CPNE8: variants seen among roughly 807,000 people sequenced by gnomAD.
The protein encoded by CPNE8 is copine-8.
CPNE8 carries 45 observed loss-of-function variants against 81.5 expected under a neutral mutation model. The ratio of observed to expected loss-of-function variants is 0.55; its 90% CI spans 0.44 to 0.71. CPNE8 has a LOEUF of 0.71. CPNE8 is among the 30% of genes least tolerant of loss of function. CPNE8 has a pLI of 0.00. For missense variants in CPNE8, 594 were observed against 672.1 expected (o/e 0.88, Z 1.28); for synonymous variants, 252 against 226.3 (o/e 1.11, Z -1.02).
intron 6 of CPNE8, among the ~76,000 whole-genome samples, chr12:38,782,041 G>A (rs1456375616): frequency 1.3e-5 from 2 of 152,042 alleles, no homozygotes; most frequent in African/African-American, 4.8e-5. Flanking sequence ...TTCAAGTAAA[G>A]TTTGAAATTT....
At position 38,767,596 on chromosome 12, in the gene CPNE8, CATT is replaced by C. The variant is rs1341638993; in HGVS notation, c.575+36_575+38del. ...AAAATAATTATAATTCAAGTATCAT[CATT>C]ACCATATAGTTGAAATGCATAAAAG... On this transcript the variant is annotated intron_variant, in intron 8 of 19. Transcript: ENST00000331366. The C allele has an allele frequency of 3.5e-6, 4 of 1,157,398 alleles. No individual in the cohort carries two copies. The African/African-American group carries it at 6.5e-5, about 19-fold the overall frequency. 71.7% of individuals were successfully genotyped at this position (1,157,398 alleles called of 1,614,324 possible).
At chr12:38,842,483 A>G (rs963279653) in intron 4 of CPNE8, among the ~76,000 whole-genome samples, 1 of 151,756 alleles carries the variant, frequency 6.6e-6, no homozygotes, top group African/African-American at 2.4e-5. Flanking sequence ...TTTAAATACC[A>G]TTATCTCATA....
upstream of CPNE8, chr12:38,906,322 C>G (rs1322092047): frequency 2.2e-5 from 21 of 960,054 alleles, no homozygotes; most frequent in Admixed American, 6.2e-5. Context: ...ATATATGGGA[C>G]AAGTGGGGGC....
intron 7 of CPNE8, among the ~76,000 whole-genome samples, chr12:38,771,366 G>T (rs1191904343): frequency 6.6e-6 from 1 of 151,796 alleles, no homozygotes; most frequent in African/African-American, 2.4e-5. Context: ...GAGGGAGACT[G>T]AGGTGGGAGA....
chr12:38,790,805 A>G (rs532161047), intron 6 of CPNE8, among the ~76,000 whole-genome samples: 2 of 151,850 alleles, frequency 1.3e-5, no homozygotes, highest in Middle Eastern at 6.8e-3. Flanking sequence ...CATGAAGAAT[A>G]AATGACCTTT....
chr12:38,846,829 A>G (rs1425811275), intron 4 of CPNE8, among the ~76,000 whole-genome samples: 1 of 152,142 alleles, frequency 6.6e-6, no homozygotes, highest in Non-Finnish European at 1.5e-5. Flanking sequence ...AAGGAAACTC[A>G]CTGCAGGATT....
At chr12:38,794,152 A>G (rs1353017665) in intron 6 of CPNE8, among the ~76,000 whole-genome samples, 2 of 152,274 alleles carry the variant, frequency 1.3e-5, no homozygotes, top group East Asian at 3.9e-4. Context: ...GATTTCTTGG[A>G]TACGACACCA....
At chr12:38,832,947 G>C (rs118034520) in intron 5 of CPNE8, among the ~76,000 whole-genome samples, 1 of 151,758 alleles carries the variant, frequency 6.6e-6, no homozygotes, top group African/African-American at 2.4e-5. Flanking sequence ...TCCAACCTCC[G>C]AGAGATAATA....
intron 6 of CPNE8, among the ~76,000 whole-genome samples, chr12:38,803,406 C>T (rs1331651827): frequency 2.0e-5 from 3 of 149,568 alleles, no homozygotes; most frequent in Non-Finnish European, 4.5e-5. Flanking sequence ...AAGACAAAAA[C>T]CACATGATTA....
chr12:38,708,286 T>C (rs1940163493), intron 13 of CPNE8, among the ~76,000 whole-genome samples: 1 of 152,082 alleles, frequency 6.6e-6, no homozygotes, highest in Non-Finnish European at 1.5e-5. Flanking sequence ...CCAAACAACA[T>C]TTCAATCAGT....
In CPNE8 at chr12:38,883,587, A is replaced by G. The variant is rs11829664; in HGVS notation, c.99-9076T>C. Among the ~76,000 whole-genome samples, 1,486 of 152,318 alleles carry G rather than the reference A, an allele frequency of 9.8e-3. 27 individuals are homozygous for G. Among genetic ancestry groups the G allele is most frequent in the African/African-American group, 0.033 (1,370 of 41,552 alleles). On this transcript the variant is annotated intron_variant, in intron 1 of 19. Transcript: ENST00000331366. The stretch of plus-strand genomic sequence containing the variant: ...CTGGGTATCAACTGTTCATCATTCT[A>G]TCCAACTAGGCTGTTTAGTAGTGAT...
chr12:38,691,628 T>C (rs1939678239), intron 15 of CPNE8, among the ~76,000 whole-genome samples: 1 of 152,072 alleles, frequency 6.6e-6, no homozygotes, highest in Non-Finnish European at 1.5e-5. Flanking sequence ...CTATTTTTCA[T>C]AGATTTAAAG....
intron 6 of CPNE8, among the ~76,000 whole-genome samples, chr12:38,820,305 T>A (rs1441197670): frequency 6.6e-6 from 1 of 151,834 alleles, no homozygotes; most frequent in African/African-American, 2.4e-5. Flanking sequence ...CTCAGGAGGC[T>A]GAGGCAGGAG....
At chr12:38,812,870 G>T (rs535790919) in intron 6 of CPNE8, among the ~76,000 whole-genome samples, 1 of 152,244 alleles carries the variant, frequency 6.6e-6, no homozygotes, top group Middle Eastern at 3.4e-3. Context: ...CTTGATCTTG[G>T]ATTCTGCAGC....
At chr12:38,744,134 G>T (rs1394347010) in intron 10 of CPNE8, among the ~76,000 whole-genome samples, 1 of 152,146 alleles carries the variant, frequency 6.6e-6, no homozygotes, top group Non-Finnish European at 1.5e-5. Flanking sequence ...GAAATAGCCG[G>T]TTTTCACATA....
chr12:38,858,301 G>A (rs746616349), intron 3 of CPNE8, among the ~76,000 whole-genome samples: 6 of 152,186 alleles, frequency 3.9e-5, no homozygotes, highest in Non-Finnish European at 8.8e-5. Context: ...CCCCAAAATT[G>A]GGGCTTATCC....
intron 15 of CPNE8, 101 bp from the exon 16 acceptor site, chr12:38,685,718 A>C: frequency 1.6e-6 from 2 of 1,216,044 alleles, no homozygotes; most frequent in Admixed American, 2.5e-5. Flanking sequence ...GTTGACACTC[A>C]TATTTTTTGA....
chr12:38,678,301 C>T (rs1299770598), intron 16 of CPNE8, among the ~76,000 whole-genome samples: 2 of 151,894 alleles, frequency 1.3e-5, no homozygotes, highest in Admixed American at 6.6e-5. Flanking sequence ...AAATAATACT[C>T]AGTAATTTAG....
chr12:38,778,225 T>C (rs982249724), intron 6 of CPNE8, among the ~76,000 whole-genome samples: 1 of 152,144 alleles, frequency 6.6e-6, no homozygotes, highest in Non-Finnish European at 1.5e-5. Context: ...AAACCGCTCC[T>C]TGGTACCAAA....
Sources: allele counts gnomAD v4.1 joint callset (sites outside exome capture counted in the v4.1 genomes callset), GRCh38; gene constraint gnomAD v4.1.1; transcripts MANE v1.5; gene names NCBI Gene and HGNC (gene_info 2026-07-23, HGNC 2026-07-21).